PRMT8: variants seen among roughly 807,000 people sequenced by gnomAD.
The protein encoded by PRMT8 is protein arginine methyltransferase 8.
In PRMT8, 7 loss-of-function variants were observed where a neutral mutation model predicts 47.1. The ratio of observed to expected loss-of-function variants is 0.15; its 90% CI spans 0.08 to 0.28. The LOEUF is 0.28. Ranked by LOEUF, PRMT8 falls within the 10% of genes least tolerant of loss-of-function variation. PRMT8 has a pLI of 1.00. For synonymous variants in PRMT8, 188 were observed against 186.5 expected (o/e 1.01, Z -0.07); for missense variants, 237 against 505.4 (o/e 0.47, Z 5.09).
intron 1 of PRMT8, among the ~76,000 whole-genome samples, chr12:3,423,606 A>C (rs1864567214): frequency 6.6e-6 from 1 of 152,234 alleles, no homozygotes; most frequent in Non-Finnish European, 1.5e-5. Flanking sequence ...TAATAGTGCC[A>C]ATAACACAAC....
chr12:3,401,070 C>T (rs1376225639), intron 1 of PRMT8, among the ~76,000 whole-genome samples: 1 of 145,138 alleles, frequency 6.9e-6, no homozygotes, highest in African/African-American at 2.5e-5. Context: ...TTGCTTGAAC[C>T]TGGGAGGTGG....
upstream of PRMT8, among the ~76,000 whole-genome samples, chr12:3,490,752 T>C (rs2137109337): frequency 6.9e-6 from 1 of 145,268 alleles, no homozygotes; most frequent in South Asian, 2.2e-4. Context: ...CACTTACCCC[T>C]AGAGTTGAAG....
rs377145413 is a variant in PRMT8 at position 3,593,066 on chromosome 12, C to T, written c.1102-33C>T. ...GGCTGTGGCTTCATACCCAGACGGC[C>T]GCCTGACCCTTCGCTCTCTCTCTGC... On this transcript the variant is annotated intron_variant, in intron 9 of 9. Coordinates refer to ENST00000382622, the MANE Select transcript of PRMT8 (RefSeq NM_019854.5). This position sits in a 1 kb window ranked among gnomAD's most constrained non-coding sequence, Gnocchi z 4.8. 9.7e-5 allele frequency: 154 copies of T among 1,590,200 alleles called. No homozygotes were observed. Among genetic ancestry groups the T allele is most frequent in the Non-Finnish European group, 1.2e-4 (144 of 1,159,164 alleles).
intron 1 of PRMT8, among the ~76,000 whole-genome samples, chr12:3,446,920 C>T (rs1341628109): frequency 6.6e-6 from 1 of 152,232 alleles, no homozygotes; most frequent in Non-Finnish European, 1.5e-5. Flanking sequence ...CCTTGACTGA[C>T]TCCTTTGCTG....
chr12:3,528,534 A>G (rs1419284628), intron 1 of PRMT8, among the ~76,000 whole-genome samples: 1 of 152,104 alleles, frequency 6.6e-6, no homozygotes, highest in Non-Finnish European at 1.5e-5. Flanking sequence ...TCTACTTAAC[A>G]TGCTCAATCT....
chr12:3,543,098 T>C (rs867363618), intron 2 of PRMT8, among the ~76,000 whole-genome samples: 2 of 152,380 alleles, frequency 1.3e-5, no homozygotes, highest in Middle Eastern at 3.4e-3. Context: ...CTGTGAGTCA[T>C]AGATCACATT....
chr12:3,428,708 C>T (rs1480033331), intron 1 of PRMT8, among the ~76,000 whole-genome samples: 1 of 151,636 alleles, frequency 6.6e-6, no homozygotes, highest in Non-Finnish European at 1.5e-5. Flanking sequence ...CTTTGACTTT[C>T]TGTCTCTCTC....
chr12:3,455,687 G>C (rs948859357), intron 1 of PRMT8, among the ~76,000 whole-genome samples: 1 of 152,170 alleles, frequency 6.6e-6, no homozygotes, highest in Non-Finnish European at 1.5e-5. Flanking sequence ...GAGGGTCAGC[G>C]GGGGGTGGGG....
intron 1 of PRMT8, among the ~76,000 whole-genome samples, chr12:3,423,272 G>C (rs1864563668): frequency 6.6e-6 from 1 of 152,234 alleles, no homozygotes. Flanking sequence ...AAGTAGTTGA[G>C]AGCCAATTTA....
chr12:3,509,735 G>A (rs1023392162), intron 1 of PRMT8, among the ~76,000 whole-genome samples: 1 of 152,192 alleles, frequency 6.6e-6, no homozygotes, highest in African/African-American at 2.4e-5. Context: ...CACTAGAAGA[G>A]TATACCTCTG....
At chr12:3,389,171 T>C (rs1356124079) in intron 1 of PRMT8, among the ~76,000 whole-genome samples, 5 of 151,912 alleles carry the variant, frequency 3.3e-5, no homozygotes, top group Non-Finnish European at 7.4e-5. Flanking sequence ...TACCGAGAGA[T>C]GGAGGTGGGG....
At chr12:3,551,076 A>ACCCCCCCCCCCCCCC (rs3837513) in intron 3 of PRMT8, 168 of 137,084 alleles carry the variant, frequency 1.2e-3, no homozygotes, top group Non-Finnish European at 1.5e-3. Context: ...AGCCCTGGGG[A>ACCCCCCCCCCCCCCC]CCCCCCCCCG....
chr12:3,479,803 C>T (rs1865255618), intron 1 of PRMT8, among the ~76,000 whole-genome samples: 1 of 152,126 alleles, frequency 6.6e-6, no homozygotes, highest in South Asian at 2.1e-4. Context: ...CTTGAACCTG[C>T]TGTAGAGAGT....
At chr12:3,450,395 G>C (rs1864903628) in intron 1 of PRMT8, among the ~76,000 whole-genome samples, 1 of 152,186 alleles carries the variant, frequency 6.6e-6, no homozygotes, top group African/African-American at 2.4e-5. Flanking sequence ...CATTATACAA[G>C]AGAAATTACA....
chr12:3,456,275 ATG>A lies in PRMT8; in HGVS notation c.48+74834_48+74835del, dbSNP rs1327199016. Among the ~76,000 whole-genome samples the A allele has an allele frequency of 2.0e-5, 3 of 152,182 alleles. No homozygotes were observed. The highest frequency in any genetic ancestry group is 4.4e-5 in the Non-Finnish European group (3 of 68,034). On this transcript the variant is annotated intron_variant, in intron 1 of 9. Coordinates refer to the PRMT8 transcript ENST00000452611. The surrounding 1 kb of genome is among the most constrained non-coding windows in gnomAD (Gnocchi z 4.2). ...AGTTCTTCCGGCCTCACTGTTCTCC[ATG>A]GCCCAAACTACAGTTCCTCTGGGGG...
chr12:3,435,596 A>G (rs911776110), intron 1 of PRMT8, among the ~76,000 whole-genome samples: 6 of 142,156 alleles, frequency 4.2e-5, no homozygotes, highest in Admixed American at 3.8e-4. Context: ...GTGTTGGCTC[A>G]CTGCAAGCTC....
At position 3,569,457 on chromosome 12, in the gene PRMT8, T is replaced by C; in HGVS notation, c.625-20T>C. On this transcript the variant is annotated intron_variant, in intron 5 of 9. Coordinates refer to ENST00000382622, the MANE Select transcript of PRMT8 (RefSeq NM_019854.5). The surrounding 1 kb of genome is among the most constrained non-coding windows in gnomAD (Gnocchi z 8.2). ...AGGTGAATAGATTACGAGACCCATT[T>C]CCCCACAATTCATCAACAGAAACCT... 5.6e-6 allele frequency: 9 copies of C among 1,604,374 alleles called. No homozygotes were observed. The highest frequency in any genetic ancestry group is 7.7e-6 in the Non-Finnish European group (9 of 1,171,078).
chr12:3,478,277 T>TATC (rs1865236541), intron 1 of PRMT8, among the ~76,000 whole-genome samples: 1 of 135,454 alleles, frequency 7.4e-6, no homozygotes, highest in Non-Finnish European at 1.6e-5. Flanking sequence ...TCTATCTATC[T>TATC]ATCTATCTAT....
intron 6 of PRMT8, among the ~76,000 whole-genome samples, chr12:3,571,298 G>A (rs1296030031): frequency 6.6e-6 from 1 of 152,168 alleles, no homozygotes; most frequent in Non-Finnish European, 1.5e-5. Context: ...TGTATAAATA[G>A]GACATATTTT....
Sources: gnomAD v4.1 joint callset for allele counts (sites outside exome capture counted in the v4.1 genomes callset) on GRCh38, gnomAD v4.1.1 for gene constraint, Gnocchi (gnomAD v3.1) non-coding constraint, MANE v1.5 for transcripts, NCBI Gene and HGNC (gene_info 2026-07-23, HGNC 2026-07-21) for gene names.